Variants in PRKN observed in about 807,000 individuals in gnomAD.
PRKN encodes the protein E3 ubiquitin-protein ligase parkin.
A neutral mutation model predicts 59.5 loss-of-function variants in PRKN; 56 were observed. That is an observed-to-expected ratio of 0.94 (90% CI 0.76 to 1.18). The LOEUF (loss-of-function observed/expected upper bound fraction) is 1.18. Ranked by LOEUF, PRKN falls within the 50% of genes most tolerant of loss-of-function variation. PRKN has a pLI of 0.00. For missense variants in PRKN, 657 were observed against 596.4 expected (o/e 1.10, Z -1.06); for synonymous variants, 250 against 222.1 (o/e 1.13, Z -1.12).
chr6:162,083,424 C>T (rs1049633410), intron 4 of PRKN, among the ~76,000 whole-genome samples: 1 of 151,998 alleles, frequency 6.6e-6, no homozygotes, highest in Non-Finnish European at 1.5e-5. Context: ...GTAAAAAATA[C>T]AATACCAGAG....
chr6:162,222,475 C>T (rs1441748234), intron 3 of PRKN, among the ~76,000 whole-genome samples: 2 of 152,124 alleles, frequency 1.3e-5, no homozygotes, highest in Non-Finnish European at 2.9e-5. Context: ...GCAGGAGCCT[C>T]AAGGAGCTGA....
intron 1 of PRKN, among the ~76,000 whole-genome samples, chr6:162,619,783 CTTCTA>C (rs2128220580): frequency 6.6e-6 from 1 of 152,102 alleles, no homozygotes; most frequent in South Asian, 2.1e-4. Flanking sequence ...ATAAATCATA[CTTCTA>C]TTCTTACTGT....
chr6:162,704,986 G>A (rs1022897416), intron 1 of PRKN, among the ~76,000 whole-genome samples: 2 of 152,098 alleles, frequency 1.3e-5, no homozygotes, highest in Non-Finnish European at 2.9e-5. Flanking sequence ...AGCTTCAATG[G>A]TAAACATGTA....
At chr6:162,444,080 T>C (rs1001884644) in intron 1 of PRKN, among the ~76,000 whole-genome samples, 25 of 152,138 alleles carry the variant, frequency 1.6e-4, no homozygotes, top group Non-Finnish European at 3.4e-4. Context: ...TTTGTCTTAT[T>C]GAAGCCACTG....
chr6:161,507,222 T>G (rs1778207273), intron 9 of PRKN, among the ~76,000 whole-genome samples: 1 of 152,088 alleles, frequency 6.6e-6, no homozygotes, highest in African/African-American at 2.4e-5. Flanking sequence ...GAAAGAGGTT[T>G]GGTGACTAGG....
At position 161,900,508 on chromosome 6, in the gene PRKN, TATTA is replaced by T. The variant is rs1281082389; in HGVS notation, c.734+72790_734+72793del. On this transcript the variant is annotated intron_variant, in intron 6 of 11. Transcript: ENST00000366898. ...AATATAAATTATATATTATAATATATATTATATATACAACATATCTTTTATATAT... is the reference window on the plus strand; with the variant it reads ...AATATAAATTATATATTATAATATATTATATACAACATATCTTTTATATAT... Among the ~76,000 whole-genome samples, 136 of 139,034 alleles carry T rather than the reference TATTA, an allele frequency of 9.8e-4. 1 individual carries two copies. Among genetic ancestry groups the T allele is most frequent in the Non-Finnish European group, 1.1e-4 (7 of 65,954 alleles). The allele number at this position is 139,034 out of a possible 152,430, so 91.2% of individuals were successfully genotyped here.
rs903843998 is a variant in PRKN, at chr6:161,371,453, C to G, written c.1168-11248G>C. Reference sequence around the variant, plus strand: ...GTGCTTGGATTACAGGTGTGAGCCACTGCGCCCGGCCTATTTTGTTATTTT... The same window carrying G: ...GTGCTTGGATTACAGGTGTGAGCCAGTGCGCCCGGCCTATTTTGTTATTTT... On this transcript the variant is annotated intron_variant, in intron 10 of 11. Coordinates refer to ENST00000366898, the MANE Select transcript of PRKN (RefSeq NM_004562.3). The surrounding 1 kb of genome is among the most constrained non-coding windows in gnomAD (Gnocchi z 5.5). 3.4e-5 allele frequency among the ~76,000 whole-genome samples: 5 copies of G among 147,354 alleles called. No homozygotes were observed. Among genetic ancestry groups the G allele is most frequent in the Non-Finnish European group, 6.0e-5 (4 of 66,792 alleles).
chr6:161,947,531 G>A (rs1244320238), intron 6 of PRKN, among the ~76,000 whole-genome samples: 3 of 152,140 alleles, frequency 2.0e-5, no homozygotes, highest in South Asian at 4.1e-4. Context: ...AGGAGGCAGC[G>A]GCTTCCCCAG....
rs1056593795 is a variant in PRKN, at chr6:161,566,198, C to A, written c.933+3157G>T. 6.6e-6 allele frequency among the ~76,000 whole-genome samples: 1 copy of A among 152,222 alleles called. No individual in the cohort carries two copies. The highest frequency in any genetic ancestry group is 2.4e-5 in the African/African-American group (1 of 41,450). ...CAGTCTCCCACTCTTTGGTTCACCTCTCACATGAATCCATTCGAGGCAGGC... is the reference window on the plus strand; with the variant it reads ...CAGTCTCCCACTCTTTGGTTCACCTATCACATGAATCCATTCGAGGCAGGC... On this transcript the variant is annotated intron_variant, in intron 8 of 11. Transcript: ENST00000366898. The surrounding 1 kb of genome is among the most constrained non-coding windows in gnomAD (Gnocchi z 4.1).
At chr6:161,640,244 A>C (rs1783689432) in intron 7 of PRKN, among the ~76,000 whole-genome samples, 1 of 152,290 alleles carries the variant, frequency 6.6e-6, no homozygotes, top group Admixed American at 6.5e-5. Flanking sequence ...TTTACTCCTA[A>C]AATCAGCAAG....
intron 2 of PRKN, among the ~76,000 whole-genome samples, chr6:162,282,853 A>G (rs1780974949): frequency 6.6e-6 from 1 of 152,204 alleles, no homozygotes; most frequent in South Asian, 2.1e-4. Flanking sequence ...GATGGAAGAG[A>G]GGAATTTGAA....
At chr6:162,548,478 A>G (rs1386199555) in intron 1 of PRKN, among the ~76,000 whole-genome samples, 1 of 152,068 alleles carries the variant, frequency 6.6e-6, no homozygotes, top group East Asian at 1.9e-4. Flanking sequence ...TTAAATCTGG[A>G]CCCAGGAACA....
chr6:161,424,336 C>CAAA (rs56268660), intron 9 of PRKN, among the ~76,000 whole-genome samples: 1 of 109,182 alleles, frequency 9.2e-6, no homozygotes, highest in Non-Finnish European at 1.9e-5. Flanking sequence ...GATTCTGTCT[C>CAAA]AAAAAAAAAA....
In PRKN at chr6:162,662,946, T is replaced by C. The variant is rs1778948778; in HGVS notation, c.7+64716A>G. Reference sequence around the variant, plus strand: ...GGGGAAAGGGAGGCAGAAGAGCGATTGAAGCTGAAGGGAAAGGTGTGAAGG... The same window carrying C: ...GGGGAAAGGGAGGCAGAAGAGCGATCGAAGCTGAAGGGAAAGGTGTGAAGG... On this transcript the variant is annotated intron_variant, in intron 1 of 11. Transcript: ENST00000366898. Among the ~76,000 whole-genome samples the C allele has an allele frequency of 2.0e-5, 3 of 152,060 alleles. 1 individual carries two copies. In the South Asian group the frequency reaches 6.2e-4, roughly 31 times the overall value.
intron 7 of PRKN, among the ~76,000 whole-genome samples, chr6:161,696,297 T>C (rs1786020190): frequency 6.6e-6 from 1 of 152,220 alleles, no homozygotes; most frequent in African/African-American, 2.4e-5. Context: ...TTTTTATGAC[T>C]TAAAATATTT....
At chr6:162,153,695 G>C (rs1782374929) in intron 4 of PRKN, among the ~76,000 whole-genome samples, 1 of 152,140 alleles carries the variant, frequency 6.6e-6, no homozygotes, top group Non-Finnish European at 1.5e-5. Context: ...GAGCTGGAAA[G>C]GGGATGGGAG....
chr6:162,492,437 T>C lies in PRKN; in HGVS notation c.8-48964A>G, dbSNP rs190579275. On this transcript the variant is annotated intron_variant, in intron 1 of 11. Transcript: ENST00000366898. ...TCTCTTGTCTCACAGGTCCCATCCC[T>C]GGGCTGAGGCTCTTTATCGAGGAAA... 2.1e-3 allele frequency among the ~76,000 whole-genome samples: 313 copies of C among 152,292 alleles called. 2 individuals are homozygous for C. Among genetic ancestry groups the C allele is most frequent in the African/African-American group, 7.3e-3 (302 of 41,574 alleles).
intron 1 of PRKN, among the ~76,000 whole-genome samples, chr6:162,686,297 A>T (rs1340457787): frequency 6.6e-6 from 1 of 152,222 alleles, no homozygotes; most frequent in East Asian, 1.9e-4. Flanking sequence ...ACATTCTGAG[A>T]ATAATCCAGT....
intron 4 of PRKN, among the ~76,000 whole-genome samples, chr6:162,146,140 C>T (rs1374551124): frequency 1.3e-5 from 2 of 152,104 alleles, no homozygotes; most frequent in African/African-American, 4.8e-5. Flanking sequence ...CCTCCAGACC[C>T]TATTCTCCCA....
Sources: gnomAD v4.1 joint callset for allele counts (sites outside exome capture counted in the v4.1 genomes callset) on GRCh38, gnomAD v4.1.1 for gene constraint, Gnocchi (gnomAD v3.1) non-coding constraint, MANE v1.5 for transcripts, NCBI Gene and HGNC (gene_info 2026-07-23, HGNC 2026-07-21) for gene names.